SLC6A5: variants seen among roughly 807,000 people sequenced by gnomAD.
SLC6A5 encodes sodium- and chloride-dependent glycine transporter 2.
SLC6A5 carries 58 observed loss-of-function variants against 90.5 expected under a neutral mutation model. The observed-to-expected ratio is 0.64, with a 90% CI of 0.52 to 0.80. SLC6A5 has a LOEUF of 0.80. Among genes scored for constraint, SLC6A5 ranks in the 30% least tolerant of loss-of-function variants. The probability of loss-of-function intolerance (pLI) is 0.00; values close to 1 mark genes in which losing one functional copy is unlikely to be tolerated. For synonymous variants in SLC6A5, 427 were observed against 401.4 expected (o/e 1.06, Z -0.76); for missense variants, 1,015 against 1,017.6 (o/e 1.00, Z 0.03).
intron 10 of SLC6A5, among the ~76,000 whole-genome samples, chr11:20,631,188 T>C (rs528698995): frequency 6.6e-6 from 1 of 152,338 alleles, no homozygotes; most frequent in South Asian, 2.1e-4. Context: ...CAGGCTGCTG[T>C]AGGATGACAT....
intron 3 of SLC6A5, among the ~76,000 whole-genome samples, chr11:20,605,190 C>G (rs897592091): frequency 3.9e-5 from 6 of 152,186 alleles, no homozygotes; most frequent in Non-Finnish European, 7.3e-5. Flanking sequence ...GCCGGCCGCT[C>G]TCTAGCAATA....
intron 7 of SLC6A5, among the ~76,000 whole-genome samples, chr11:20,618,424 A>T (rs952947392): frequency 2.0e-5 from 3 of 152,186 alleles, no homozygotes; most frequent in Admixed American, 1.3e-4. Context: ...TGCCCCTAGC[A>T]CTAAAGGAAG....
rs1182859904 is a variant in SLC6A5, at chr11:20,655,668, T to C, written c.*800T>C. ...TTTGTACGTTCATAGTAGAGCTCCA[T>C]GCTCATTTCTACATGATATTTAGCA... On this transcript the variant is annotated 3_prime_UTR_variant, in exon 16 of 16. Coordinates refer to ENST00000525748, the MANE Select transcript of SLC6A5 (RefSeq NM_004211.5). 4.6e-5 allele frequency: 7 copies of C among 152,314 alleles called. No homozygotes were observed. The highest frequency in any genetic ancestry group is 1.7e-4 in the African/African-American group (7 of 41,462). 9.4% of individuals were successfully genotyped at this position (152,314 alleles called of 1,614,324 possible).
intron 10 of SLC6A5, 81 bp from the exon 11 acceptor site, chr11:20,636,226 G>T: frequency 1.2e-6 from 1 of 824,386 alleles, no homozygotes; most frequent in Non-Finnish European, 2.1e-6. Context: ...GAGGATCTCA[G>T]CAGAGAGAAG....
chr11:20,617,294 G>A (rs1311767034), intron 6 of SLC6A5, among the ~76,000 whole-genome samples: 1 of 152,206 alleles, frequency 6.6e-6, no homozygotes, highest in African/African-American at 2.4e-5. Context: ...TCGTCATTTA[G>A]CATATGCAGT....
chr11:20,650,378 G>C (rs943289156), intron 14 of SLC6A5, among the ~76,000 whole-genome samples: 44 of 152,126 alleles, frequency 2.9e-4, no homozygotes, highest in African/African-American at 9.2e-4. Flanking sequence ...GTCTTCAGAG[G>C]GGTCTCATGG....
At chr11:20,635,435 T>A (rs768903822) in intron 10 of SLC6A5, among the ~76,000 whole-genome samples, 3 of 152,108 alleles carry the variant, frequency 2.0e-5, no homozygotes, top group Non-Finnish European at 4.4e-5. Flanking sequence ...CTAGGACTGA[T>A]GTAGCCCCAT....
chr11:20,613,700 C>T (rs1590160909), intron 5 of SLC6A5, among the ~76,000 whole-genome samples: 1 of 3,924 alleles, frequency 2.5e-4, no homozygotes, highest in African/African-American at 3.7e-4. Context: ...GCTTCATCAC[C>T]CAGGCTGGGA....
chr11:20,649,229 G>A (rs1467644850), intron 14 of SLC6A5, among the ~76,000 whole-genome samples: 1 of 152,144 alleles, frequency 6.6e-6, no homozygotes, highest in African/African-American at 2.4e-5. Flanking sequence ...AGAAAGTTGT[G>A]GAGAGGTCCC....
chr11:20,610,527 C>T (rs4923409), intron 5 of SLC6A5, among the ~76,000 whole-genome samples: 4 of 152,122 alleles, frequency 2.6e-5, no homozygotes, highest in Non-Finnish European at 4.4e-5. Flanking sequence ...TGATCTCTCC[C>T]GTCTTGGGTG....
At chr11:20,634,604 A>G (rs547678478) in intron 10 of SLC6A5, among the ~76,000 whole-genome samples, 2 of 152,274 alleles carry the variant, frequency 1.3e-5, no homozygotes, top group Admixed American at 1.3e-4. Context: ...TGCATTTGAG[A>G]CCTATTTTGA....
chr11:20,627,350 A>G (rs1335986527), intron 8 of SLC6A5, among the ~76,000 whole-genome samples: 1 of 152,230 alleles, frequency 6.6e-6, no homozygotes, highest in Non-Finnish European at 1.5e-5. Flanking sequence ...TTCCAATTCA[A>G]AAACTACAAA....
chr11:20,607,491 C>G lies in SLC6A5; in HGVS notation c.824C>G (p.Ala275Gly). Residue 275 changes from alanine (A) to glycine (G), a missense_variant, in exon 5 of 16, where the codon GCG (alanine) becomes GGG (glycine). Transcript: ENST00000525748. ...AIPALQGCGIAMLIISVLIAI... is the reference protein window; with the variant it reads ...AIPALQGCGIGMLIISVLIAI... ...TTTGCTTCTGCAGGCTGTGGCATCGCGATGCTGATCATCTCTGTCCTAATA... is the reference window on the plus strand; with the variant it reads ...TTTGCTTCTGCAGGCTGTGGCATCGGGATGCTGATCATCTCTGTCCTAATA... 6.2e-7 allele frequency: 1 copy of G among 1,614,162 alleles called. No individual in the cohort carries two copies. Among genetic ancestry groups the G allele is most frequent in the Admixed American group, 1.7e-5 (1 of 60,024 alleles).
intron 10 of SLC6A5, among the ~76,000 whole-genome samples, chr11:20,631,719 G>A (rs528931178): frequency 6.6e-6 from 1 of 152,252 alleles, no homozygotes; most frequent in East Asian, 1.9e-4. Flanking sequence ...CATGCTGTGG[G>A]GCATGACTGT....
intron 13 of SLC6A5, among the ~76,000 whole-genome samples, chr11:20,646,165 G>A (rs3758808): frequency 0.43 from 65,341 of 152,032 alleles, 15,843 homozygotes; most frequent in East Asian, 0.84. Flanking sequence ...TAAACCAAGA[G>A]GGTGCAGGGA....
intron 13 of SLC6A5, among the ~76,000 whole-genome samples, chr11:20,640,186 A>G (rs1384870391): frequency 6.6e-6 from 1 of 152,164 alleles, no homozygotes. Context: ...CAGTTGGCAA[A>G]GTCGGGAAAG....
chr11:20,624,244 C>T (rs7950131), intron 7 of SLC6A5, among the ~76,000 whole-genome samples: 40,241 of 151,354 alleles, frequency 0.27, 5,365 homozygotes, highest in Middle Eastern at 0.33. Context: ...GCCTCTGCCT[C>T]CTGAGTTCAA....
rs764151464 is a variant in SLC6A5, at chr11:20,654,759, T to C, written c.2285T>C (p.Leu762Ser). The change falls in exon 16 of 16, where the codon TTA becomes TCA. Residue 762 changes from leucine (L) to serine (S), a missense_variant. Physicochemically the swap from Leu to Ser is moderately radical, Grantham distance 145. Coordinates refer to ENST00000525748, the MANE Select transcript of SLC6A5 (RefSeq NM_004211.5). ...CCACAGCCGGACTGGGGCCCATTCT[T>C]AGCTCAACACCGCGGGGAGCGTTAC... ...CSPQPDWGPF[L>S]AQHRGERYKN... The C allele has an allele frequency of 3.9e-5, 63 of 1,614,044 alleles. 4 individuals are homozygous for C. In the South Asian group the frequency reaches 6.8e-4, roughly 17 times the overall value.
In SLC6A5 at chr11:20,601,260, CCCG is replaced by C; in HGVS notation, c.144_146del (p.Pro49del). 2 of 1,583,968 alleles carry C rather than the reference CCCG, an allele frequency of 1.3e-6. No homozygotes were observed. The highest frequency in any genetic ancestry group is 1.7e-5 in the Admixed American group (1 of 57,846). ...AGCAGGAGCTTCCCGCGGCTGCCGC[CCCG>C]CCGCCGCCACGTGTGCCCAGGTCCG... On this transcript the variant is annotated inframe_deletion, in exon 2 of 16. Coordinates refer to ENST00000525748, the MANE Select transcript of SLC6A5 (RefSeq NM_004211.5).
Sources: allele counts gnomAD v4.1 joint callset (sites outside exome capture counted in the v4.1 genomes callset), GRCh38; gene constraint gnomAD v4.1.1; transcripts MANE v1.5; gene names NCBI Gene and HGNC (gene_info 2026-07-23, HGNC 2026-07-21).